The following OR9Q1 variants were observed in gnomAD, a reference collection of about 807,000 sequenced individuals.
OR9Q1 encodes olfactory receptor 9Q1.
For missense variants in OR9Q1, 374 were observed against 378.8 expected (o/e 0.99, Z 0.11); for synonymous variants, 153 against 148.6 (o/e 1.03, Z -0.22).
intron 1 of OR9Q1, among the ~76,000 whole-genome samples, chr11:58,024,463 A>AATCC (rs1281616048): frequency 6.6e-6 from 1 of 152,142 alleles, no homozygotes; most frequent in Non-Finnish European, 1.5e-5. Context: ...AAGAGGGAGA[A>AATCC]ATCCAGCGTT....
intron 2 of OR9Q1, among the ~76,000 whole-genome samples, chr11:58,080,247 G>GT (rs1160447471): frequency 1.3e-5 from 2 of 152,194 alleles, no homozygotes; most frequent in East Asian, 1.9e-4. Flanking sequence ...GTGGTATTCA[G>GT]TTTTTTGTTC....
At chr11:58,178,298 A>G (rs1854624122) in intron 2 of OR9Q1, among the ~76,000 whole-genome samples, 1 of 152,176 alleles carries the variant, frequency 6.6e-6, no homozygotes, top group Non-Finnish European at 1.5e-5. Context: ...GTGGACATCT[A>G]GTTACTCTGA....
At chr11:58,154,119 G>A (rs1352839004) in intron 2 of OR9Q1, among the ~76,000 whole-genome samples, 2 of 151,092 alleles carry the variant, frequency 1.3e-5, no homozygotes, top group East Asian at 3.9e-4. Context: ...GGAGGAGGGG[G>A]AAGGAGGAGG....
intron 2 of OR9Q1, among the ~76,000 whole-genome samples, chr11:58,092,861 A>T (rs1853697193): frequency 6.6e-6 from 1 of 152,200 alleles, no homozygotes. Context: ...TGGATTCAAT[A>T]CTATTGTAGG....
chr11:58,141,697 C>T (rs572936617), intron 2 of OR9Q1, among the ~76,000 whole-genome samples: 26 of 152,156 alleles, frequency 1.7e-4, no homozygotes, highest in Admixed American at 5.2e-4. Context: ...TAGATGTTGA[C>T]GCTGAGACTT....
chr11:58,043,007 A>C (rs1175519680), intron 1 of OR9Q1, among the ~76,000 whole-genome samples: 1 of 152,130 alleles, frequency 6.6e-6, no homozygotes, highest in Admixed American at 6.5e-5. Flanking sequence ...ATATCCTGAG[A>C]CTTTGCTGAA....
At chr11:58,045,468 A>T (rs1853207293) in intron 1 of OR9Q1, 2 of 152,222 alleles carry the variant, frequency 1.3e-5, no homozygotes, top group Non-Finnish European at 2.9e-5. Context: ...TCCTGACCTC[A>T]AATGATCCAT....
chr11:58,180,181 C>T lies in OR9Q1; in HGVS notation c.737C>T (p.Ala246Val). Residue 246 changes from alanine (A) to valine (V), a missense_variant, in exon 3 of 3, where the codon GCT (alanine) becomes GTT (valine). Physicochemically the swap from Ala to Val is moderately conservative, Grantham distance 64. Transcript: ENST00000335397. The stretch of plus-strand genomic sequence containing the variant: ...TCCACCTGCACCTCCCACCTCACTG[C>T]TGTGTCACTCTTCTTTGGTACCCTC... ...TFSTCTSHLT[A>V]VSLFFGTLIF... 6.2e-7 allele frequency: 1 copy of T among 1,613,934 alleles called. No individual in the cohort carries two copies. The highest frequency in any genetic ancestry group is 8.5e-7 in the Non-Finnish European group (1 of 1,179,902).
intron 2 of OR9Q1, among the ~76,000 whole-genome samples, chr11:58,085,329 C>T (rs1853624212): frequency 6.6e-6 from 1 of 151,786 alleles, no homozygotes; most frequent in Admixed American, 6.6e-5. Context: ...TCACCACAAT[C>T]AAGGCAATCA....
intron 2 of OR9Q1, among the ~76,000 whole-genome samples, chr11:58,142,762 A>G (rs1175133951): frequency 6.6e-6 from 1 of 152,072 alleles, no homozygotes; most frequent in Non-Finnish European, 1.5e-5. Context: ...CCTGGCGAGA[A>G]CCCCATCTGT....
intron 2 of OR9Q1, among the ~76,000 whole-genome samples, chr11:58,088,527 G>T (rs918325234): frequency 2.0e-5 from 3 of 151,958 alleles, no homozygotes; most frequent in African/African-American, 7.3e-5. Flanking sequence ...ACTGGAATGA[G>T]ATGGTATCTC....
At chr11:58,179,257 C>T (rs1202457554) in intron 2 of OR9Q1, among the ~76,000 whole-genome samples, 174 bp from the exon 3 acceptor site, 1 of 152,064 alleles carries the variant, frequency 6.6e-6, no homozygotes, top group Non-Finnish European at 1.5e-5. Flanking sequence ...AACTCCTGGG[C>T]TCAAGTGATC....
chr11:58,109,835 T>C (rs960641609), intron 2 of OR9Q1, among the ~76,000 whole-genome samples: 1 of 152,196 alleles, frequency 6.6e-6, no homozygotes, highest in African/African-American at 2.4e-5. Context: ...GGAGAGCTTT[T>C]ATCTCTCTCT....
intron 2 of OR9Q1, among the ~76,000 whole-genome samples, chr11:58,096,502 C>T (rs1396693240): frequency 6.6e-6 from 1 of 151,986 alleles, no homozygotes; most frequent in Non-Finnish European, 1.5e-5. Flanking sequence ...ATTCTTTCTT[C>T]TTTTGGTAAT....
intron 1 of OR9Q1, among the ~76,000 whole-genome samples, chr11:58,025,401 C>T (rs1223519299): frequency 6.6e-6 from 1 of 152,194 alleles, no homozygotes; most frequent in Non-Finnish European, 1.5e-5. Context: ...GGGGTTTCAC[C>T]GTGTTGGCCA....
intron 2 of OR9Q1, among the ~76,000 whole-genome samples, chr11:58,169,857 T>C (rs1180359179): frequency 1.3e-5 from 2 of 152,108 alleles, no homozygotes; most frequent in African/African-American, 4.8e-5. Flanking sequence ...TTTTCTTTTT[T>C]TTTTCCTTTG....
At chr11:58,042,662 G>GT (rs1414706176) in intron 1 of OR9Q1, among the ~76,000 whole-genome samples, 3 of 151,776 alleles carry the variant, frequency 2.0e-5, no homozygotes, top group Non-Finnish European at 2.9e-5. Context: ...CTTTCAAGTA[G>GT]TTTTTTCCAA....
At chr11:58,026,821 T>C (rs1198294664) in intron 1 of OR9Q1, 1 of 152,124 alleles carries the variant, frequency 6.6e-6, no homozygotes, top group Non-Finnish European at 1.5e-5. Flanking sequence ...ACTATCTTAA[T>C]CTTTTTAATG....
chr11:58,048,222 G>T (rs1171090294), intron 1 of OR9Q1, among the ~76,000 whole-genome samples: 1 of 152,092 alleles, frequency 6.6e-6, no homozygotes, highest in Non-Finnish European at 1.5e-5. Context: ...ACTCAGTCCT[G>T]CCTTCAAGGC....
Sources: gnomAD v4.1 joint callset for allele counts (sites outside exome capture counted in the v4.1 genomes callset) on GRCh38, gnomAD v4.1.1 for gene constraint, MANE v1.5 for transcripts, NCBI Gene and HGNC (gene_info 2026-07-23, HGNC 2026-07-21) for gene names.